Variants in RUSC2 observed in about 807,000 individuals in gnomAD.
RUSC2 encodes the protein AP-4 complex accessory subunit RUSC2.
In RUSC2, 34 loss-of-function variants were observed where a neutral mutation model predicts 122.2. The ratio of observed to expected loss-of-function variants is 0.28; its 90% CI spans 0.21 to 0.37. The LOEUF (loss-of-function observed/expected upper bound fraction) is 0.37, where lower values mean the gene tolerates loss of function less well. Among genes scored for constraint, RUSC2 ranks in the 10% least tolerant of loss-of-function variants. The pLI is 1.00. For synonymous variants in RUSC2, 784 were observed against 790.0 expected (o/e 0.99, Z 0.13); for missense variants, 1,747 against 1,952.4 (o/e 0.89, Z 1.98).
intron 1 of RUSC2, among the ~76,000 whole-genome samples, chr9:35,494,549 T>C (rs1273379246): frequency 4.6e-5 from 7 of 152,146 alleles, no homozygotes; most frequent in African/African-American, 1.2e-4. Context: ...TGAAAAGATA[T>C]CGAGCATTTT....
chr9:35,523,346 G>A (rs1182012289), intron 1 of RUSC2, among the ~76,000 whole-genome samples: 1 of 152,198 alleles, frequency 6.6e-6, no homozygotes, highest in African/African-American at 2.4e-5. Flanking sequence ...TAATTGCTTT[G>A]TTTTAACAAA....
At chr9:35,507,123 A>C (rs1820930203) in intron 1 of RUSC2, among the ~76,000 whole-genome samples, 1 of 152,142 alleles carries the variant, frequency 6.6e-6, no homozygotes, top group African/African-American at 2.4e-5. Flanking sequence ...TCTCAAGAAA[A>C]AAATAAAAAT....
At chr9:35,501,232 C>T (rs974167739) in intron 1 of RUSC2, among the ~76,000 whole-genome samples, 1 of 152,214 alleles carries the variant, frequency 6.6e-6, no homozygotes, top group Non-Finnish European at 1.5e-5. Context: ...ACATCCCCTT[C>T]ACTTCCTTTT....
chr9:35,501,569 T>C (rs1428764402), intron 1 of RUSC2, among the ~76,000 whole-genome samples: 1 of 152,174 alleles, frequency 6.6e-6, no homozygotes, highest in Non-Finnish European at 1.5e-5. Context: ...AGAGTGAGGC[T>C]CCATCTCAAA....
chr9:35,535,317 T>C (rs950398094), intron 1 of RUSC2, among the ~76,000 whole-genome samples: 1 of 152,122 alleles, frequency 6.6e-6, no homozygotes, highest in African/African-American at 2.4e-5. Context: ...GGTTTCACCA[T>C]GTTGGCCAGG....
At chr9:35,559,375 A>AACGCTTGTGTGGTCCTCCT in intron 9 of RUSC2, 103 bp downstream of exon 9, 1 of 970,752 alleles carries the variant, frequency 1.0e-6, no homozygotes, top group Non-Finnish European at 1.7e-6. Context: ...GGGGAGGGGG[A>AACGCTTGTGTGGTCCTCCT]CCACACAAGC....
intron 1 of RUSC2, among the ~76,000 whole-genome samples, chr9:35,498,651 G>A (rs1268280254): frequency 6.6e-6 from 1 of 151,740 alleles, no homozygotes; most frequent in African/African-American, 2.4e-5. Context: ...GAGGTCAGGA[G>A]ATCAAGACCA....
intron 4 of RUSC2, 34 bp from the exon 5 acceptor site, chr9:35,556,274 A>G: frequency 6.2e-7 from 1 of 1,611,488 alleles, no homozygotes; most frequent in East Asian, 2.2e-5. Context: ...CTGCACTGAG[A>G]GTTGCTCAGG....
Position 35,560,438 on chromosome 9 carries a change from G to C in RUSC2, c.3798G>C (p.Gly1266=). Residue 1266 remains glycine (G), a synonymous_variant, in exon 10 of 12, where the codon GGG becomes GGC. Coordinates refer to ENST00000361226, the MANE Select transcript of RUSC2 (RefSeq NM_014806.5). ...GSGRARWARG[G]QAGWWYQLMQ... The stretch of plus-strand genomic sequence containing the variant: ...GGCGTGCCAGGTGGGCCCGAGGTGG[G>C]CAGGCCGGCTGGTGGTACCAGCTCA... 1.2e-6 allele frequency: 2 copies of C among 1,614,208 alleles called. No homozygotes were observed. The highest frequency in any genetic ancestry group is 1.7e-6 in the Non-Finnish European group (2 of 1,180,024).
At chr9:35,502,004 C>T (rs1262282551) in intron 1 of RUSC2, among the ~76,000 whole-genome samples, 1 of 152,026 alleles carries the variant, frequency 6.6e-6, no homozygotes, top group East Asian at 1.9e-4. Flanking sequence ...ACATTGAGGG[C>T]TCTGCACCTC....
intron 1 of RUSC2, among the ~76,000 whole-genome samples, chr9:35,530,697 T>C (rs1000996567): frequency 2.0e-5 from 3 of 152,020 alleles, no homozygotes; most frequent in Non-Finnish European, 4.4e-5. Context: ...TGGAGTACAG[T>C]GGTGCGATCT....
chr9:35,503,002 A>G (rs1468901634), intron 1 of RUSC2, among the ~76,000 whole-genome samples: 1 of 152,124 alleles, frequency 6.6e-6, no homozygotes, highest in Non-Finnish European at 1.5e-5. Context: ...CTGGGATTAC[A>G]GGCATGCAAC....
At chr9:35,518,893 GTCTT>G (rs1205850572) in intron 1 of RUSC2, among the ~76,000 whole-genome samples, 2 of 152,178 alleles carry the variant, frequency 1.3e-5, no homozygotes, top group East Asian at 1.9e-4. Flanking sequence ...TTGAGTGGCA[GTCTT>G]TCTTTGTTTT....
rs1465392781 is a variant in RUSC2 at position 35,522,604 on chromosome 9, C to A, written c.-92-23826C>A. On this transcript the variant is annotated intron_variant, in intron 1 of 11. Transcript: ENST00000361226. The stretch of plus-strand genomic sequence containing the variant: ...TACCCCTGAACATCCAGCATAGCTC[C>A]TTATACACAGGAAGAATACAGTAGA... 5.3e-5 allele frequency among the ~76,000 whole-genome samples: 8 copies of A among 152,192 alleles called. 1 individual carries two copies. The highest frequency in any genetic ancestry group is 5.2e-4 in the Admixed American group (8 of 15,278).
chr9:35,497,549 T>C (rs1057357315), intron 1 of RUSC2, among the ~76,000 whole-genome samples: 2 of 152,228 alleles, frequency 1.3e-5, no homozygotes, highest in Non-Finnish European at 2.9e-5. Flanking sequence ...GGCAGCAGAT[T>C]GTATATCCTA....
At chr9:35,513,334 C>G (rs914198369) in intron 1 of RUSC2, among the ~76,000 whole-genome samples, 2 of 152,046 alleles carry the variant, frequency 1.3e-5, no homozygotes, top group African/African-American at 4.8e-5. Flanking sequence ...CCTCCGCCTC[C>G]TGGGTTCAAG....
At chr9:35,504,469 CT>C (rs200556621) in intron 1 of RUSC2, among the ~76,000 whole-genome samples, 113 of 140,266 alleles carry the variant, frequency 8.1e-4, no homozygotes, top group Middle Eastern at 3.6e-3. Context: ...GGTTTTTTTT[CT>C]TTTTTTTTTT....
chr9:35,509,121 C>T (rs1401081218), intron 1 of RUSC2, among the ~76,000 whole-genome samples: 7 of 151,996 alleles, frequency 4.6e-5, no homozygotes, highest in South Asian at 4.2e-4. Context: ...AGGCTAAGGC[C>T]GGATCACTTG....
intron 1 of RUSC2, among the ~76,000 whole-genome samples, chr9:35,539,607 A>G (rs1052101326): frequency 6.6e-6 from 1 of 152,162 alleles, no homozygotes; most frequent in African/African-American, 2.4e-5. Context: ...ATACATGCAC[A>G]TAGACACACA....
Sources: allele counts gnomAD v4.1 joint callset (sites outside exome capture counted in the v4.1 genomes callset), GRCh38; gene constraint gnomAD v4.1.1; transcripts MANE v1.5; gene names NCBI Gene and HGNC (gene_info 2026-07-23, HGNC 2026-07-21).